VPS13D: variants seen among roughly 807,000 people sequenced by gnomAD.
The protein encoded by VPS13D is intermembrane lipid transfer protein VPS13D.
In VPS13D, 187 loss-of-function variants were observed where a neutral mutation model predicts 461.9. That is an observed-to-expected ratio of 0.40 (90% CI 0.36 to 0.46). The LOEUF (loss-of-function observed/expected upper bound fraction) is 0.46. Ranked by LOEUF, VPS13D falls within the 20% of genes least tolerant of loss-of-function variation. The probability of loss-of-function intolerance (pLI) is 0.60; values close to 1 mark genes in which losing one functional copy is unlikely to be tolerated. For missense variants in VPS13D, 4,711 were observed against 5,364.9 expected (o/e 0.88, Z 3.81); for synonymous variants, 1,951 against 1,986.3 (o/e 0.98, Z 0.47).
rs528372499 is a variant in VPS13D at position 12,252,339 on chromosome 1, G to A, written c.565-1383G>A. Reference sequence around the variant, plus strand: ...GTATTCATCCACATGTACCAATACTGCCCCCACCGCACACATCCAGTGTTC... The same window carrying A: ...GTATTCATCCACATGTACCAATACTACCCCCACCGCACACATCCAGTGTTC... On this transcript the variant is annotated intron_variant, in intron 6 of 69. Coordinates refer to ENST00000620676, the MANE Select transcript of VPS13D (RefSeq NM_015378.4). Among the ~76,000 whole-genome samples, 26 of 152,080 alleles carry A rather than the reference G, an allele frequency of 1.7e-4. No homozygotes were observed. The South Asian group carries it at 5.4e-3, about 32-fold the overall frequency.
intron 2 of VPS13D, among the ~76,000 whole-genome samples, chr1:12,236,053 C>G (rs555750287): frequency 1.8e-4 from 27 of 152,326 alleles, no homozygotes; most frequent in African/African-American, 6.3e-4. Flanking sequence ...TATCTTGTAA[C>G]AACTGTGTTT....
intron 46 of VPS13D, among the ~76,000 whole-genome samples, chr1:12,352,164 G>A (rs1056548683): frequency 2.0e-5 from 3 of 151,570 alleles, no homozygotes; most frequent in African/African-American, 7.3e-5. Flanking sequence ...GGTGGTACAC[G>A]CCTGTAATCC....
At position 12,497,575 on chromosome 1, in the gene VPS13D, C is replaced by G; in HGVS notation, c.12738C>G (p.Ser4246Arg). 6.2e-7 allele frequency: 1 copy of G among 1,614,044 alleles called. No homozygotes were observed. Among genetic ancestry groups the G allele is most frequent in the South Asian group, 1.1e-5 (1 of 91,068 alleles). The change falls in exon 68 of 70, where the codon AGC becomes AGG. Residue 4246 changes from serine to arginine, a missense_variant. Ser to Arg is a moderately radical substitution (Grantham distance 110). This residue lies in a region of VPS13D where 194 missense variants were observed against 220.9 expected (regional missense o/e 0.88). Coordinates refer to ENST00000620676, the MANE Select transcript of VPS13D (RefSeq NM_015378.4). ...GGCTGCTTCCCCGATATTCTGAGAG[C>G]CAGGCGGAAGGACAGGAGCAGCTCT... ...PQGLLPRYSE[S>R]QAEGQEQLFK...
chr1:12,319,654 C>T, intron 32 of VPS13D, 24 bp downstream of exon 32: 2 of 1,614,104 alleles, frequency 1.2e-6, no homozygotes, highest in Non-Finnish European at 1.7e-6. Context: ...GTGTTGATCA[C>T]AGCACTGCGT....
intron 56 of VPS13D, 29 bp downstream of exon 56, chr1:12,378,620 G>T: frequency 1.3e-6 from 2 of 1,497,760 alleles, no homozygotes; most frequent in South Asian, 1.3e-5. Context: ...TTTGATTCAA[G>T]CTCATTGCTT....
chr1:12,324,494 ACT>A (rs924548981), intron 35 of VPS13D, among the ~76,000 whole-genome samples: 1 of 151,686 alleles, frequency 6.6e-6, no homozygotes, highest in African/African-American at 2.4e-5. Context: ...ACAGAGCGAG[ACT>A]CTGTCTCAAA....
chr1:12,299,161 G>T lies in VPS13D; in HGVS notation c.6034-41G>T, dbSNP rs1288493528. On this transcript the variant is annotated intron_variant, in intron 24 of 69. Transcript: ENST00000620676. This position sits in a 1 kb window ranked among gnomAD's most constrained non-coding sequence, Gnocchi z 4.2. The stretch of plus-strand genomic sequence containing the variant: ...GAGGTTATTTGGTGGTAAAATTAGG[G>T]AATTAATTATCCTCTGAGTCAGTTT... The T allele has an allele frequency of 1.3e-6, 2 of 1,515,966 alleles. No individual in the cohort carries two copies. The highest frequency in any genetic ancestry group is 1.8e-6 in the Non-Finnish European group (2 of 1,135,724). 93.9% of individuals were successfully genotyped at this position (1,515,966 alleles called of 1,614,324 possible).
intron 42 of VPS13D, chr1:12,345,143 A>G (rs909011773): frequency 3.4e-5 from 15 of 442,968 alleles, no homozygotes; most frequent in Non-Finnish European, 5.3e-5. Flanking sequence ...ACAATGGAGG[A>G]TAAATGCCAC....
In VPS13D at chr1:12,495,952, G is replaced by A. The variant is rs545951831; in HGVS notation, c.12663-1548G>A. On this transcript the variant is annotated intron_variant, in intron 67 of 69. Transcript: ENST00000620676. The surrounding 1 kb of genome is among the most constrained non-coding windows in gnomAD (Gnocchi z 4.0). ...CTGCAGAGGTTACCAGCATCCTCTC[G>A]GCAGCAGTCGTCCAGCTTCTCTCCT... 2.0e-4 allele frequency among the ~76,000 whole-genome samples: 30 copies of A among 152,264 alleles called. No homozygotes were observed. The East Asian group carries it at 5.2e-3, about 26-fold the overall frequency.
chr1:12,256,402 CT>C lies in VPS13D; in HGVS notation c.743del (p.Leu248Ter). On this transcript the variant is annotated frameshift_variant, in exon 8 of 70. Transcript: ENST00000620676. LOFTEE classifies it high-confidence loss of function. ...CCTGGAGCCTGTGTTTGCATCTGCT[CT>C]TTTGAAGAGAAACTGCTCCAAGAAG... is the stretch of plus-strand genomic sequence containing the variant. ...YVLEPVFASA[L>X]LKRNCSKKPL... is the part of the protein sequence containing the mutation. 1.2e-6 allele frequency: 2 copies of C among 1,614,122 alleles called. No homozygotes were observed. The highest frequency in any genetic ancestry group is 1.7e-6 in the Non-Finnish European group (2 of 1,180,006).
intron 3 of VPS13D, 83 bp from the exon 4 acceptor site, chr1:12,244,163 A>G: frequency 7.0e-7 from 1 of 1,438,380 alleles, no homozygotes; most frequent in Non-Finnish European, 9.3e-7. Flanking sequence ...CATGCTCCTT[A>G]AACAAAATTG....
chr1:12,289,941 A>AT (rs1557688742), intron 22 of VPS13D, among the ~76,000 whole-genome samples: 11 of 152,274 alleles, frequency 7.2e-5, no homozygotes, highest in Admixed American at 5.9e-4. Flanking sequence ...GTCTCAAAAA[A>AT]TAAAAAAAAA....
At chr1:12,285,266 G>GTATTTATT (rs1243356647) in intron 21 of VPS13D, among the ~76,000 whole-genome samples, 79 of 145,090 alleles carry the variant, frequency 5.4e-4, no homozygotes, top group African/African-American at 1.8e-3. Context: ...TTTATTTTAT[G>GTATTTATT]TATTTATTTA....
At chr1:12,327,232 T>C (rs866074749) in intron 35 of VPS13D, among the ~76,000 whole-genome samples, 1 of 152,084 alleles carries the variant, frequency 6.6e-6, no homozygotes, top group Non-Finnish European at 1.5e-5. Context: ...ATGCCCTCGA[T>C]CATTTACACT....
At chr1:12,390,055 C>A (rs990154534) in intron 60 of VPS13D, among the ~76,000 whole-genome samples, 1 of 152,232 alleles carries the variant, frequency 6.6e-6, no homozygotes, top group Admixed American at 6.5e-5. Context: ...ATCTTAACTT[C>A]CAGTTTAATG....
intron 65 of VPS13D, among the ~76,000 whole-genome samples, chr1:12,417,349 A>G (rs909855251): frequency 2.0e-5 from 3 of 152,208 alleles, no homozygotes; most frequent in African/African-American, 7.2e-5. Flanking sequence ...CTGACATCTT[A>G]ATTCGTGGAC....
rs1162191459 is a variant in VPS13D at position 12,509,162 on chromosome 1, C to G, written c.*138C>G. 5 of 1,031,866 alleles carry G rather than the reference C, an allele frequency of 4.8e-6. No homozygotes were observed. In the East Asian group the frequency reaches 1.3e-4, roughly 27 times the overall value. The allele number at this position is 1,031,866 out of a possible 1,614,324, so 63.9% of individuals were successfully genotyped here. On this transcript the variant is annotated 3_prime_UTR_variant, in exon 70 of 70. Transcript: ENST00000620676. Reference sequence around the variant, plus strand: ...GTCAAGGAATGAGGGAAAGTAAATCCTCATGAGGAAAAGTACAAATGGAAA... The same window carrying G: ...GTCAAGGAATGAGGGAAAGTAAATCGTCATGAGGAAAAGTACAAATGGAAA...
At chr1:12,335,591 G>A in intron 38 of VPS13D, 114 bp from the exon 39 acceptor site, 2 of 1,356,420 alleles carry the variant, frequency 1.5e-6, no homozygotes, top group Non-Finnish European at 2.0e-6. Flanking sequence ...TCTAGCACAG[G>A]CCAGGCATGT....
chr1:12,325,014 T>G (rs1402633675), intron 35 of VPS13D, among the ~76,000 whole-genome samples: 2 of 152,194 alleles, frequency 1.3e-5, no homozygotes, highest in African/African-American at 2.4e-5. Context: ...CTCACTTCCT[T>G]TCCATCTCCA....
Sources: gnomAD v4.1 joint callset for allele counts (sites outside exome capture counted in the v4.1 genomes callset) on GRCh38, gnomAD v4.1.1 for gene constraint, gnomAD v4.1.1 regional missense constraint, Gnocchi (gnomAD v3.1) non-coding constraint, MANE v1.5 for transcripts, NCBI Gene and HGNC (gene_info 2026-07-23, HGNC 2026-07-21) for gene names.